Variants in PRKG1 observed in about 807,000 individuals in gnomAD.
PRKG1 encodes the protein cGMP-dependent protein kinase 1.
In PRKG1, 35 loss-of-function variants were observed where a neutral mutation model predicts 88.1. That is an observed-to-expected ratio of 0.40 (90% CI 0.30 to 0.53). PRKG1 has a LOEUF of 0.53. Among genes scored for constraint, PRKG1 ranks in the 20% least tolerant of loss-of-function variants. The pLI, the probability that PRKG1 is intolerant of heterozygous loss-of-function variation, is 0.59. For synonymous variants in PRKG1, 303 were observed against 292.5 expected (o/e 1.04, Z -0.37); for missense variants, 540 against 839.8 (o/e 0.64, Z 4.41).
rs116890626 is a variant in PRKG1 at position 51,676,370 on chromosome 10, C to A, written c.593-128215C>A. Among the ~76,000 whole-genome samples, 67 of 148,880 alleles carry A rather than the reference C, an allele frequency of 4.5e-4. No individual in the cohort carries two copies. The East Asian group carries it at 0.012, about 26-fold the overall frequency. The stretch of plus-strand genomic sequence containing the variant: ...ATTGGTTCAGGCCAAACAAAGAAAC[C>A]AAACAATCCTTCATCTAAAATTTAT... On this transcript the variant is annotated intron_variant, in intron 3 of 17. Coordinates refer to ENST00000373980, the MANE Select transcript of PRKG1 (RefSeq NM_006258.4).
intron 3 of PRKG1, among the ~76,000 whole-genome samples, chr10:51,765,993 G>A (rs942178606): frequency 1.1e-4 from 17 of 152,178 alleles, no homozygotes; most frequent in African/African-American, 4.1e-4. Flanking sequence ...TTCCTGGCTT[G>A]CAGATGGTCA....
intron 1 of PRKG1, among the ~76,000 whole-genome samples, chr10:51,023,597 T>C (rs1843166844): frequency 6.6e-6 from 1 of 152,110 alleles, no homozygotes; most frequent in Non-Finnish European, 1.5e-5. Flanking sequence ...AGAGATGGAG[T>C]CTAGTATATT....
chr10:52,001,536 T>C (rs1190929690), intron 5 of PRKG1, among the ~76,000 whole-genome samples: 1 of 152,010 alleles, frequency 6.6e-6, no homozygotes, highest in African/African-American at 2.4e-5. Context: ...TGCCTCTTTT[T>C]TAGGAATTTA....
chr10:51,138,675 G>GT (rs71459405), intron 1 of PRKG1, among the ~76,000 whole-genome samples: 2,639 of 68,520 alleles, frequency 0.039, 890 homozygotes, highest in African/African-American at 0.074. Context: ...ATTGAGTTTT[G>GT]TTTTTTTTTT....
At chr10:51,181,495 C>G (rs914735036) in intron 2 of PRKG1, among the ~76,000 whole-genome samples, 9 of 151,892 alleles carry the variant, frequency 5.9e-5, no homozygotes, top group Non-Finnish European at 1.3e-4. Flanking sequence ...CCCGCCTCGG[C>G]CTCCCAAAGT....
intron 2 of PRKG1, among the ~76,000 whole-genome samples, chr10:51,283,165 T>C (rs1005545697): frequency 6.6e-6 from 1 of 151,864 alleles, no homozygotes; most frequent in African/African-American, 2.4e-5. Flanking sequence ...ACTGCCACTT[T>C]AGGAGATGTT....
intron 2 of PRKG1, among the ~76,000 whole-genome samples, chr10:51,398,315 A>T (rs1323739837): frequency 2.0e-5 from 3 of 152,092 alleles, no homozygotes; most frequent in African/African-American, 7.2e-5. Context: ...TGCATAGTTG[A>T]CAGTAGAGTT....
intron 5 of PRKG1, among the ~76,000 whole-genome samples, chr10:52,008,713 A>G (rs576547436): frequency 6.6e-6 from 1 of 151,996 alleles, no homozygotes; most frequent in African/African-American, 2.4e-5. Flanking sequence ...GTTTTTAAAA[A>G]ATTGTCAAGT....
At chr10:51,238,286 A>G (rs1435582807) in intron 2 of PRKG1, among the ~76,000 whole-genome samples, 2 of 152,092 alleles carry the variant, frequency 1.3e-5, no homozygotes, top group Non-Finnish European at 2.9e-5. Flanking sequence ...TTTTGTGCCT[A>G]TTTAAAAGTA....
intron 3 of PRKG1, among the ~76,000 whole-genome samples, chr10:51,524,841 C>T (rs376724668): frequency 3.5e-4 from 53 of 152,252 alleles, no homozygotes; most frequent in African/African-American, 1.2e-3. Context: ...TTTTTTGGTA[C>T]GAAGGCTCAC....
intron 9 of PRKG1, among the ~76,000 whole-genome samples, chr10:52,163,053 AT>A (rs1348909762): frequency 6.6e-6 from 1 of 152,034 alleles, no homozygotes; most frequent in Non-Finnish European, 1.5e-5. Flanking sequence ...AGTTTCTAGT[AT>A]TAATAATAAT....
At chr10:51,281,305 G>A (rs1044433777) in intron 2 of PRKG1, among the ~76,000 whole-genome samples, 2 of 152,114 alleles carry the variant, frequency 1.3e-5, no homozygotes, top group African/African-American at 2.4e-5. Context: ...GCTACTAGGG[G>A]GTCAGGGACC....
intron 3 of PRKG1, among the ~76,000 whole-genome samples, chr10:51,514,302 C>T (rs1247764045): frequency 2.0e-5 from 3 of 152,102 alleles, no homozygotes; most frequent in Non-Finnish European, 4.4e-5. Context: ...ATTTCTTTGT[C>T]TGGGTCGTGG....
chr10:51,037,516 G>T (rs1843367094), intron 1 of PRKG1, among the ~76,000 whole-genome samples: 1 of 152,016 alleles, frequency 6.6e-6, no homozygotes, highest in Admixed American at 6.6e-5. Context: ...AGGTGCAGTG[G>T]CTCATGCCTG....
chr10:51,266,553 T>C (rs919415211), intron 2 of PRKG1, among the ~76,000 whole-genome samples: 3 of 152,250 alleles, frequency 2.0e-5, no homozygotes, highest in Admixed American at 6.5e-5. Context: ...TTTTCCAAGA[T>C]TGCTTAAAGT....
intron 2 of PRKG1, chr10:51,299,495 C>A (rs1840816604): frequency 8.7e-6 from 4 of 459,690 alleles, no homozygotes; most frequent in Admixed American, 2.4e-5. Flanking sequence ...TGTGAGCCAC[C>A]ATGCCCCGCC....
intron 3 of PRKG1, among the ~76,000 whole-genome samples, chr10:51,628,122 C>CTT (rs61693066): frequency 1.1e-4 from 13 of 116,894 alleles, no homozygotes; most frequent in East Asian, 4.7e-4. Flanking sequence ...TTCTTTATTT[C>CTT]TCTTTCTTTC....
intron 1 of PRKG1, among the ~76,000 whole-genome samples, chr10:51,048,237 GTC>G (rs147276507): frequency 6.2e-4 from 94 of 151,868 alleles, no homozygotes; most frequent in African/African-American, 2.1e-3. Flanking sequence ...CTTTCTGTCT[GTC>G]TCTCTATTTT....
chr10:51,551,099 T>C (rs533863341), intron 3 of PRKG1, among the ~76,000 whole-genome samples: 113 of 152,020 alleles, frequency 7.4e-4, no homozygotes, highest in African/African-American at 2.6e-3. Context: ...ATATGTTCTG[T>C]GTGCAATGGT....
Sources: allele counts gnomAD v4.1 joint callset (sites outside exome capture counted in the v4.1 genomes callset), GRCh38; gene constraint gnomAD v4.1.1; transcripts MANE v1.5; gene names NCBI Gene and HGNC (gene_info 2026-07-23, HGNC 2026-07-21).